Variants in PPP2R2D observed in about 807,000 individuals in gnomAD.
The protein encoded by PPP2R2D is protein phosphatase 2 regulatory subunit Bdelta, also known as serine/threonine-protein phosphatase 2A 55 kDa regulatory subunit B delta isoform.
Under a neutral mutation model 31.1 loss-of-function variants are expected in PPP2R2D, and 9 were observed. That is an observed-to-expected ratio of 0.29 (90% CI 0.17 to 0.51). The LOEUF (loss-of-function observed/expected upper bound fraction) is 0.51. PPP2R2D is among the 20% of genes least tolerant of loss of function. PPP2R2D has a pLI of 0.98. For missense variants in PPP2R2D, 391 were observed against 465.6 expected, an observed-to-expected ratio of 0.84 and a Z score of 1.48; for synonymous variants, 179 against 172.6, an observed-to-expected ratio of 1.04 and a Z score of -0.29.
At chr10:131,933,878 A>G (rs939776756) in intron 2 of PPP2R2D, among the ~76,000 whole-genome samples, 1 of 152,008 alleles carries the variant, frequency 6.6e-6, no homozygotes, top group African/African-American at 2.4e-5. Context: ...CAGAGATCTC[A>G]AGGCCTCCCT....
chr10:131,920,252 C>T (rs1554894042), intron 2 of PPP2R2D, among the ~76,000 whole-genome samples: 1 of 150,030 alleles, frequency 6.7e-6, no homozygotes, highest in Non-Finnish European at 1.5e-5. Context: ...TTGTAGGGAC[C>T]TGACGTGGGT....
chr10:131,925,169 A>G (rs782543337), intron 2 of PPP2R2D, among the ~76,000 whole-genome samples: 2 of 152,236 alleles, frequency 1.3e-5, no homozygotes, highest in Admixed American at 6.5e-5. Context: ...TGCCCCAGCT[A>G]GAATTTCCAG....
At chr10:131,951,414 G>A (rs2036633525) in intron 8 of PPP2R2D, among the ~76,000 whole-genome samples, 1 of 152,208 alleles carries the variant, frequency 6.6e-6, no homozygotes, top group Non-Finnish European at 1.5e-5. Flanking sequence ...AGAACTACAT[G>A]GATCACCTAG....
At chr10:131,969,310 G>A in the PPP2R2D span, 1 of 152,334 alleles carries the variant, frequency 6.6e-6, no homozygotes, top group Non-Finnish European at 1.5e-5. Context: ...AGTGGCTGCA[G>A]AAATCCATCC....
chr10:131,962,015 G>A (rs1554901532), downstream of PPP2R2D, among the ~76,000 whole-genome samples: 1 of 152,234 alleles, frequency 6.6e-6, no homozygotes, highest in African/African-American at 2.4e-5. Flanking sequence ...CTGGCCAGGG[G>A]GCGGCACTGC....
chr10:131,964,056 A>T (rs2036951893), downstream of PPP2R2D, among the ~76,000 whole-genome samples: 2 of 151,174 alleles, frequency 1.3e-5, no homozygotes, highest in South Asian at 2.1e-4. Context: ...CATTTTGTAG[A>T]CTCCCCCTCA....
chr10:131,918,478 A>G (rs1262215705), intron 2 of PPP2R2D, among the ~76,000 whole-genome samples: 2 of 143,914 alleles, frequency 1.4e-5, no homozygotes, highest in African/African-American at 2.6e-5. Flanking sequence ...CAGTGTTTGT[A>G]GGGACCTCAG....
chr10:131,922,130 G>C (rs1434344663), intron 2 of PPP2R2D, among the ~76,000 whole-genome samples: 3 of 152,148 alleles, frequency 2.0e-5, no homozygotes, highest in Non-Finnish European at 4.4e-5. Flanking sequence ...AAATTTGTTA[G>C]ACAAAGCAAG....
chr10:131,923,627 A>G (rs781905134), intron 2 of PPP2R2D, among the ~76,000 whole-genome samples: 15 of 152,176 alleles, frequency 9.9e-5, no homozygotes, highest in Non-Finnish European at 1.3e-4. Flanking sequence ...TAGCCATCCT[A>G]ATAGTTGTGA....
downstream of PPP2R2D, among the ~76,000 whole-genome samples, chr10:131,964,304 G>A (rs1316035588): frequency 2.6e-5 from 4 of 151,932 alleles, no homozygotes; most frequent in Admixed American, 1.3e-4. Context: ...GCAGTTATTG[G>A]TATTTGCCTA....
At chr10:131,952,861 G>T (rs1554899146) in intron 8 of PPP2R2D, among the ~76,000 whole-genome samples, 5 of 48,416 alleles carry the variant, frequency 1.0e-4, no homozygotes, top group African/African-American at 2.3e-4. Context: ...GACTTGCGGG[G>T]GGGGTCCCTG....
chr10:131,947,443 GAA>G lies in PPP2R2D; in HGVS notation c.821-86_821-85del. ...GGCCAAGCCCTTCCAGAGTCTCTCTGAAGGGGCCACTTCCTACTTGAACTTGA... is the reference window on the plus strand; with the variant it reads ...GGCCAAGCCCTTCCAGAGTCTCTCTGGGGGCCACTTCCTACTTGAACTTGA... On this transcript the variant is annotated intron_variant, in intron 7 of 8. Transcript: ENST00000455566. This position sits in a 1 kb window ranked among gnomAD's most constrained non-coding sequence, Gnocchi z 4.3. 7.0e-7 allele frequency: 1 copy of G among 1,424,658 alleles called. No homozygotes were observed. The allele number at this position is 1,424,658 out of a possible 1,614,324, so 88.3% of individuals were successfully genotyped here.
At chr10:131,943,838 G>A (rs1589954505) in intron 5 of PPP2R2D, 130 bp from the exon 6 acceptor site, 1 of 614,678 alleles carries the variant, frequency 1.6e-6, no homozygotes, top group East Asian at 3.1e-5. Context: ...GTTATTTGGG[G>A]GTATTGCCTG....
chr10:131,956,668 T>A lies in PPP2R2D; in HGVS notation c.*705T>A. ...TTCTTTGGCAGCGTGGGGGTATGTGTGCAGCATTTCTGTCCCCAAGCTGCT... is the reference window on the plus strand; with the variant it reads ...TTCTTTGGCAGCGTGGGGGTATGTGAGCAGCATTTCTGTCCCCAAGCTGCT... On this transcript the variant is annotated 3_prime_UTR_variant, in exon 9 of 9. Transcript: ENST00000455566. 1.5e-6 allele frequency: 1 copy of A among 647,100 alleles called. No individual in the cohort carries two copies. The allele number at this position is 647,100 out of a possible 1,614,324, so 40.1% of individuals were successfully genotyped here. A position where few individuals can be genotyped will look rare whatever the true frequency, so the allele number is the denominator to read the frequency against.
Position 131,947,435 on chromosome 10 carries a change from GTC to G in PPP2R2D, c.821-89_821-88del, listed in dbSNP as rs1554898124. 5 of 1,341,326 alleles carry G rather than the reference GTC, an allele frequency of 3.7e-6. No individual in the cohort carries two copies. The highest frequency in any genetic ancestry group is 4.0e-6 in the Non-Finnish European group (4 of 988,600). The allele number at this position is 1,341,326 out of a possible 1,614,324, so 83.1% of individuals were successfully genotyped here. A position where few individuals can be genotyped will look rare whatever the true frequency, so the allele number is the denominator to read the frequency against. ...AGTGTTGAGGCCAAGCCCTTCCAGA[GTC>G]TCTCTGAAGGGGCCACTTCCTACTT... On this transcript the variant is annotated intron_variant, in intron 7 of 8. Coordinates refer to ENST00000455566, the MANE Select transcript of PPP2R2D (RefSeq NM_018461.5). The surrounding 1 kb of genome is among the most constrained non-coding windows in gnomAD (Gnocchi z 4.3).
At chr10:131,955,607 C>G in intron 8 of PPP2R2D, 77 bp from the exon 9 acceptor site, 1 of 1,313,852 alleles carries the variant, frequency 7.6e-7, no homozygotes, top group Non-Finnish European at 9.8e-7. Context: ...GCGCTGTGCA[C>G]CCCAGGGGTG....
intron 2 of PPP2R2D, among the ~76,000 whole-genome samples, chr10:131,933,555 TG>T (rs1440306788): frequency 6.6e-6 from 1 of 152,114 alleles, no homozygotes; most frequent in Non-Finnish European, 1.5e-5. Context: ...CAAGCTCTGA[TG>T]GCCCCTCGGG....
chr10:131,962,531 C>CTT (rs2036939026), downstream of PPP2R2D, among the ~76,000 whole-genome samples: 1 of 152,212 alleles, frequency 6.6e-6, no homozygotes, highest in African/African-American at 2.4e-5. Flanking sequence ...CTCTGTAGCT[C>CTT]TCCATTTTCT....
intron 2 of PPP2R2D, among the ~76,000 whole-genome samples, chr10:131,905,603 A>T (rs1403986112): frequency 6.6e-6 from 1 of 152,076 alleles, no homozygotes; most frequent in African/African-American, 2.4e-5. Flanking sequence ...TGTGCTAGAG[A>T]TTGCTCGCAG....
Sources: gnomAD v4.1 joint callset for allele counts (sites outside exome capture counted in the v4.1 genomes callset) on GRCh38, gnomAD v4.1.1 for gene constraint, Gnocchi (gnomAD v3.1) non-coding constraint, MANE v1.5 for transcripts, NCBI Gene and HGNC (gene_info 2026-07-23, HGNC 2026-07-21) for gene names.